MYH14: variants seen among roughly 807,000 people sequenced by gnomAD.
MYH14 encodes myosin-14.
In MYH14, 123 loss-of-function variants were observed where a neutral mutation model predicts 255.5. That is an observed-to-expected ratio of 0.48 (90% CI 0.42 to 0.56). The LOEUF (loss-of-function observed/expected upper bound fraction) is 0.56. Among genes scored for constraint, MYH14 ranks in the 20% least tolerant of loss-of-function variants. MYH14 has a pLI of 0.00. For missense variants in MYH14, 2,423 were observed against 2,802.3 expected (o/e 0.86, Z 3.06); for synonymous variants, 1,095 against 1,161.2 (o/e 0.94, Z 1.16).
chr19:50,263,291 C>G (rs1184018181), intron 21 of MYH14, 21 bp from the exon 22 acceptor site: 2 of 1,507,274 alleles, frequency 1.3e-6, no homozygotes, highest in Non-Finnish European at 1.8e-6. Context: ...CACTCTGCCC[C>G]TCACCCATTT....
At chr19:50,260,625 A>C in intron 19 of MYH14, 21 bp from the exon 20 acceptor site, 1 of 1,594,828 alleles carries the variant, frequency 6.3e-7, no homozygotes, top group East Asian at 2.2e-5. Context: ...TCTCCTCCCC[A>C]CCCCTCCCTG....
chr19:50,214,869 G>A (rs1460428878), intron 2 of MYH14, among the ~76,000 whole-genome samples: 2 of 152,146 alleles, frequency 1.3e-5, no homozygotes, highest in African/African-American at 4.8e-5. Flanking sequence ...TATCTGGCGT[G>A]TGTTGCATGG....
In MYH14 at chr19:50,244,334, ACAGGTACTGCCCCCGG is replaced by A. The variant is rs749952121; in HGVS notation, c.1209_1210+14del. The A allele has an allele frequency of 1.9e-6, 3 of 1,613,168 alleles. No homozygotes were observed. The highest frequency in any genetic ancestry group is 2.5e-6 in the Non-Finnish European group (3 of 1,179,734). ...CGATCAAGCCACCATGCCTGACAACACAGGTACTGCCCCCGGCCTGCCTGCCCACGACCTCCAGCCC... is the reference window on the plus strand; with the variant it reads ...CGATCAAGCCACCATGCCTGACAACACCTGCCTGCCCACGACCTCCAGCCC... On this transcript the variant is annotated splice_donor_variant and splice_donor_5th_base_variant and coding_sequence_variant and intron_variant, in exon 11 of 43. Coordinates refer to ENST00000642316, the MANE Select transcript of MYH14 (RefSeq NM_001145809.2). LOFTEE classifies it high-confidence loss of function.
intron 18 of MYH14, among the ~76,000 whole-genome samples, chr19:50,258,273 C>T (rs1398306980): frequency 6.6e-6 from 1 of 152,100 alleles, no homozygotes; most frequent in Non-Finnish European, 1.5e-5. Context: ...TATTCCTCCC[C>T]ACTAGCGTCT....
At chr19:50,208,980 C>G (rs2123148472) in intron 1 of MYH14, among the ~76,000 whole-genome samples, 1 of 152,158 alleles carries the variant, frequency 6.6e-6, no homozygotes, top group South Asian at 2.1e-4. Flanking sequence ...ATAGAAGACC[C>G]TGTCTCTACA....
chr19:50,250,804 A>C lies in MYH14; in HGVS notation c.1830+116A>C. 2 of 1,106,402 alleles carry C rather than the reference A, an allele frequency of 1.8e-6. No individual in the cohort carries two copies. The highest frequency in any genetic ancestry group is 2.6e-6 in the Non-Finnish European group (2 of 776,268). The allele number at this position is 1,106,402 out of a possible 1,614,324, so 68.5% of individuals were successfully genotyped here. A position where few individuals can be genotyped will look rare whatever the true frequency, so the allele number is the denominator to read the frequency against. Reference sequence around the variant, plus strand: ...CAGGGTCCTCCTGAGGTCCAGACAAACAGAGCAGGGGCTAGGAGAGCCCAG... The same window carrying C: ...CAGGGTCCTCCTGAGGTCCAGACAACCAGAGCAGGGGCTAGGAGAGCCCAG... On this transcript the variant is annotated intron_variant, in intron 15 of 42. Transcript: ENST00000642316. The surrounding 1 kb of genome is among the most constrained non-coding windows in gnomAD (Gnocchi z 5.4).
chr19:50,253,357 C>T (rs751820756), intron 16 of MYH14, among the ~76,000 whole-genome samples: 42 of 151,400 alleles, frequency 2.8e-4, no homozygotes, highest in Admixed American at 4.6e-4. Context: ...GCAGGAGAAT[C>T]GCTTGAATCT....
intron 19 of MYH14, 61 bp downstream of exon 19, chr19:50,259,326 C>A (rs1358332429): frequency 3.9e-6 from 6 of 1,542,688 alleles, no homozygotes; most frequent in Non-Finnish European, 5.3e-6. Flanking sequence ...GGTCTGGAAG[C>A]CGACACACCT....
In MYH14 at chr19:50,249,116, A is replaced by G. The variant is rs1366436776; in HGVS notation, c.1459A>G (p.Ile487Val). The G allele has an allele frequency of 3.1e-6, 5 of 1,592,164 alleles. No individual in the cohort carries two copies. Among genetic ancestry groups the G allele is most frequent in the African/African-American group, 2.7e-5 (2 of 74,520 alleles). Reference protein sequence around the residue: ...QGASFLGILDIAGFEIFQLNS... With the variant: ...QGASFLGILDVAGFEIFQLNS... The stretch of plus-strand genomic sequence containing the variant: ...CGCCTCCTTCCTGGGCATCCTGGAC[A>G]TCGCGGGCTTTGAGATCTTCCAGGT... Residue 487 changes from isoleucine (I) to valine (V), a missense_variant, in exon 13 of 43, where the codon ATC becomes GTC. Ile to Val is a conservative substitution (Grantham distance 29). Coordinates refer to ENST00000642316, the MANE Select transcript of MYH14 (RefSeq NM_001145809.2).
chr19:50,228,279 CTG>C (rs2033205204), intron 8 of MYH14, among the ~76,000 whole-genome samples: 1 of 139,430 alleles, frequency 7.2e-6, no homozygotes, highest in South Asian at 2.3e-4. Context: ...GAGCGAGACT[CTG>C]TGTCAAAAAA....
At chr19:50,272,035 C>G in intron 26 of MYH14, 63 bp downstream of exon 26, 1 of 1,570,314 alleles carries the variant, frequency 6.4e-7, no homozygotes, top group Non-Finnish European at 8.6e-7. Flanking sequence ...CAGGCAAGCC[C>G]CATGTGCTAC....
intron 10 of MYH14, among the ~76,000 whole-genome samples, chr19:50,232,793 C>T (rs1299391914): frequency 6.6e-6 from 1 of 151,708 alleles, no homozygotes; most frequent in African/African-American, 2.4e-5. Context: ...ACAGCCTGTG[C>T]AAAGGCCCTG....
intron 14 of MYH14, 94 bp downstream of exon 14, chr19:50,249,917 C>T: frequency 6.8e-7 from 1 of 1,468,392 alleles, no homozygotes; most frequent in Non-Finnish European, 9.4e-7. Flanking sequence ...CTCTGCTGGG[C>T]CTCAGGATGC....
At position 50,257,328 on chromosome 19, in the gene MYH14, A is replaced by C; in HGVS notation, c.2074A>C (p.Ser692Arg). ...VEGIVGLEQV[S>R]SLGDGPPGGR... ...GGGCATCGTGGGGCTGGAACAGGTG[A>C]GCAGCCTGGGCGACGGCCCACCAGG... The change falls in exon 18 of 43, where the codon AGC becomes CGC. Residue 692 changes from serine (S) to arginine (R), a missense_variant. Transcript: ENST00000642316. 1 of 1,608,876 alleles carries C rather than the reference A, an allele frequency of 6.2e-7. No individual in the cohort carries two copies. Among genetic ancestry groups the C allele is most frequent in the Non-Finnish European group, 8.5e-7 (1 of 1,177,368 alleles).
At chr19:50,269,116 A>G (rs1297476480) in intron 24 of MYH14, among the ~76,000 whole-genome samples, 1 of 152,256 alleles carries the variant, frequency 6.6e-6, no homozygotes, top group Admixed American at 6.5e-5. Flanking sequence ...AAATTAAATA[A>G]GACAGAAAAT....
chr19:50,309,988 G>A lies in MYH14; in HGVS notation c.*198G>A. On this transcript the variant is annotated 3_prime_UTR_variant, in exon 43 of 43. Coordinates refer to ENST00000642316, the MANE Select transcript of MYH14 (RefSeq NM_001145809.2). ...GATGACCCCTAAACACAGAGGAGCG[G>A]GGCAGGCAGGGAGGCAATGACTGGA... 1 of 675,916 alleles carries A rather than the reference G, an allele frequency of 1.5e-6. No homozygotes were observed. Among genetic ancestry groups the A allele is most frequent in the Non-Finnish European group, 2.6e-6 (1 of 385,406 alleles). 41.9% of individuals were successfully genotyped at this position (675,916 alleles called of 1,614,324 possible).
At chr19:50,224,032 T>TGGGCCCCCCCCCCCCC in intron 5 of MYH14, 122 bp from the exon 6 acceptor site, 1 of 610,332 alleles carries the variant, frequency 1.6e-6, no homozygotes. Context: ...ATGCCCGGTT[T>TGGGCCCCCCCCCCCCC]CCCCAGTCCC....
At position 50,230,655 on chromosome 19, in the gene MYH14, C is replaced by A; in HGVS notation, c.973+32C>A. 1 of 1,537,028 alleles carries A rather than the reference C, an allele frequency of 6.5e-7. No homozygotes were observed. Among genetic ancestry groups the A allele is most frequent in the Non-Finnish European group, 8.8e-7 (1 of 1,134,758 alleles). On this transcript the variant is annotated intron_variant, in intron 9 of 42. Transcript: ENST00000642316. This position sits in a 1 kb window ranked among gnomAD's most constrained non-coding sequence, Gnocchi z 4.7. ...GCCGCCCCGTCCTACCCTGCTCACC[C>A]GGGAGAGGGTGGGCACCATGTCTCT...
At chr19:50,228,782 T>G (rs560607865) in intron 8 of MYH14, among the ~76,000 whole-genome samples, 1 of 152,332 alleles carries the variant, frequency 6.6e-6, no homozygotes, top group South Asian at 2.1e-4. Flanking sequence ...ACGCTCCCCA[T>G]GCAGTGTGGC....
Sources: gnomAD v4.1 joint callset for allele counts (sites outside exome capture counted in the v4.1 genomes callset) on GRCh38, gnomAD v4.1.1 for gene constraint, Gnocchi (gnomAD v3.1) non-coding constraint, MANE v1.5 for transcripts, NCBI Gene and HGNC (gene_info 2026-07-23, HGNC 2026-07-21) for gene names.